DOCK2: variants seen among roughly 807,000 people sequenced by gnomAD.
DOCK2 encodes the protein dedicator of cytokinesis protein 2.
A neutral mutation model predicts 248.9 loss-of-function variants in DOCK2; 87 were observed. The observed-to-expected ratio is 0.35, with a 90% CI of 0.29 to 0.42. The LOEUF is 0.42. Ranked by LOEUF, DOCK2 falls within the 10% of genes least tolerant of loss-of-function variation. The pLI, the probability that DOCK2 is intolerant of heterozygous loss-of-function variation, is 1.00. For missense variants in DOCK2, 1,747 were observed against 2,300.2 expected (o/e 0.76, Z 4.92); for synonymous variants, 805 against 821.6 (o/e 0.98, Z 0.35).
At chr5:169,911,971 G>A (rs1422484824) in intron 27 of DOCK2, among the ~76,000 whole-genome samples, 1 of 152,098 alleles carries the variant, frequency 6.6e-6, no homozygotes, top group East Asian at 1.9e-4. Flanking sequence ...GGTTGAAATT[G>A]TTCTCTCTAG....
At chr5:169,648,585 T>A (rs1028190429) in intron 1 of DOCK2, among the ~76,000 whole-genome samples, 7 of 152,040 alleles carry the variant, frequency 4.6e-5, no homozygotes, top group South Asian at 2.1e-4. Context: ...GCTGAGAGAG[T>A]GTGCTCCGGA....
At chr5:169,906,027 G>A (rs1415976542) in intron 27 of DOCK2, among the ~76,000 whole-genome samples, 2 of 152,182 alleles carry the variant, frequency 1.3e-5, no homozygotes, top group Non-Finnish European at 2.9e-5. Context: ...CTCAGCAGGT[G>A]TTGACTGGTT....
chr5:169,661,644 C>A lies in DOCK2; in HGVS notation c.127+7158C>A, dbSNP rs1225176721. On this transcript the variant is annotated intron_variant, in intron 2 of 51. Coordinates refer to ENST00000520908, the MANE Select transcript of DOCK2 (RefSeq NM_004946.3). ...TCCCATCCCCTACCCTCCCTGGTAA[C>A]CCCTGTTTCATTCTCTATGTCTGTA... Among the ~76,000 whole-genome samples, 4 of 152,262 alleles carry A rather than the reference C, an allele frequency of 2.6e-5. No individual in the cohort carries two copies. In the East Asian group the frequency reaches 7.7e-4, roughly 29 times the overall value.
chr5:169,951,618 T>A (rs1776669239), intron 27 of DOCK2, among the ~76,000 whole-genome samples: 1 of 152,184 alleles, frequency 6.6e-6, no homozygotes, highest in African/African-American at 2.4e-5. Context: ...AGAAATCAAA[T>A]GTTTGGATAT....
In DOCK2 at chr5:169,714,398, C is replaced by G; in HGVS notation, c.1882C>G (p.Gln628Glu). 1 of 1,614,038 alleles carries G rather than the reference C, an allele frequency of 6.2e-7. No homozygotes were observed. Among genetic ancestry groups the G allele is most frequent in the Non-Finnish European group, 8.5e-7 (1 of 1,179,970 alleles). The change falls in exon 19 of 52, where the codon CAA (glutamine) becomes GAA (glutamate). Residue 628 changes from glutamine (Q) to glutamate (E), a missense_variant. By Grantham distance (29) the Gln-to-Glu change is conservative (BLOSUM62 2). Coordinates refer to ENST00000520908, the MANE Select transcript of DOCK2 (RefSeq NM_004946.3). ...TTTGCTGAAGTGGCGTATGAAGCCT[C>G]AACTGCTACAGGAGAATTTAGAAAA... ...LGLLKWRMKP[Q>E]LLQENLEKLK...
chr5:169,696,747 A>T (rs1760654709), intron 10 of DOCK2, among the ~76,000 whole-genome samples: 1 of 151,730 alleles, frequency 6.6e-6, no homozygotes, highest in Non-Finnish European at 1.5e-5. Context: ...GTAATCGCAG[A>T]CCTGCTTACT....
chr5:169,702,556 G>A, intron 14 of DOCK2, 129 bp downstream of exon 14: 1 of 1,378,072 alleles, frequency 7.3e-7, no homozygotes, highest in Non-Finnish European at 9.9e-7. Context: ...GTTGAATAAT[G>A]TGTTCAACAC....
chr5:169,865,479 G>GA (rs1771488500), intron 27 of DOCK2, among the ~76,000 whole-genome samples: 1 of 152,186 alleles, frequency 6.6e-6, no homozygotes, highest in African/African-American at 2.4e-5. Context: ...AGCCGGGGCA[G>GA]AAAAAACGAA....
chr5:169,926,184 G>A (rs145919133), intron 27 of DOCK2, among the ~76,000 whole-genome samples: 1 of 152,318 alleles, frequency 6.6e-6, no homozygotes, highest in East Asian at 1.9e-4. Context: ...CGGCATGGAT[G>A]TGGATAGGTA....
At chr5:169,881,764 C>G (rs1772668449) in intron 27 of DOCK2, among the ~76,000 whole-genome samples, 1 of 152,204 alleles carries the variant, frequency 6.6e-6, no homozygotes, top group African/African-American at 2.4e-5. Context: ...TTTCATTCTG[C>G]ATCATCACAG....
intron 35 of DOCK2, among the ~76,000 whole-genome samples, chr5:170,035,327 C>T (rs1198136316): frequency 1.3e-5 from 2 of 152,208 alleles, no homozygotes; most frequent in Non-Finnish European, 2.9e-5. Context: ...CCTACCATTC[C>T]CAAGGCTCCT....
intron 27 of DOCK2, among the ~76,000 whole-genome samples, chr5:169,948,261 G>C (rs761510004): frequency 6.8e-4 from 104 of 151,952 alleles, no homozygotes; most frequent in Non-Finnish European, 1.3e-3. Flanking sequence ...CTCTCACAGA[G>C]CTTATATTTT....
At chr5:170,003,792 G>A (rs1240736984) in intron 30 of DOCK2, among the ~76,000 whole-genome samples, 2 of 152,186 alleles carry the variant, frequency 1.3e-5, no homozygotes, top group Non-Finnish European at 2.9e-5. Flanking sequence ...GAAAGGCTTG[G>A]GGCAGAGGCC....
At chr5:169,699,498 C>G in intron 12 of DOCK2, 40 bp downstream of exon 12, 1 of 1,580,570 alleles carries the variant, frequency 6.3e-7, no homozygotes, top group South Asian at 1.1e-5. Flanking sequence ...CCTGCTCCAG[C>G]TTGGGAGCCC....
intron 9 of DOCK2, 82 bp downstream of exon 9, chr5:169,689,415 G>A: frequency 6.9e-7 from 1 of 1,459,350 alleles, no homozygotes; most frequent in Non-Finnish European, 9.5e-7. Context: ...CAGGAGCTCA[G>A]GGTGAAGTGT....
At chr5:169,667,020 G>A (rs559115375) in intron 2 of DOCK2, among the ~76,000 whole-genome samples, 1 of 152,286 alleles carries the variant, frequency 6.6e-6, no homozygotes, top group African/African-American at 2.4e-5. Flanking sequence ...CCTATAAGAC[G>A]TACACACATA....
At chr5:169,777,558 G>A (rs1233354649) in intron 25 of DOCK2, among the ~76,000 whole-genome samples, 1 of 152,178 alleles carries the variant, frequency 6.6e-6, no homozygotes, top group African/African-American at 2.4e-5. Context: ...TTTGAGGAGA[G>A]ACTTCCCATT....
At chr5:169,655,784 G>A (rs1758078330) in intron 2 of DOCK2, among the ~76,000 whole-genome samples, 1 of 152,114 alleles carries the variant, frequency 6.6e-6, no homozygotes, top group African/African-American at 2.4e-5. Flanking sequence ...AAAACATACA[G>A]AAAACCATTT....
At chr5:169,717,873 C>T in intron 21 of DOCK2, among the ~76,000 whole-genome samples, 1 of 152,032 alleles carries the variant, frequency 6.6e-6, no homozygotes, top group East Asian at 1.9e-4. Flanking sequence ...ACCAGCCTGG[C>T]CAACATGGTG....
Sources: allele counts gnomAD v4.1 joint callset (sites outside exome capture counted in the v4.1 genomes callset), GRCh38; gene constraint gnomAD v4.1.1; transcripts MANE v1.5; gene names NCBI Gene and HGNC (gene_info 2026-07-23, HGNC 2026-07-21).